DAAM2: variants seen among roughly 807,000 people sequenced by gnomAD.
DAAM2 encodes the protein dishevelled associated activator of morphogenesis 2.
DAAM2 carries 39 observed loss-of-function variants against 120.7 expected under a neutral mutation model. The observed-to-expected ratio is 0.32, with a 90% CI of 0.25 to 0.42. The LOEUF (loss-of-function observed/expected upper bound fraction) is 0.42. DAAM2 is among the 10% of genes least tolerant of loss of function. The pLI, the probability that DAAM2 is intolerant of heterozygous loss-of-function variation, is 1.00. For synonymous variants in DAAM2, 488 were observed against 524.9 expected, an observed-to-expected ratio of 0.93 and a Z score of 0.96; for missense variants, 1,283 against 1,401.7, an observed-to-expected ratio of 0.92 and a Z score of 1.35.
intron 1 of DAAM2, among the ~76,000 whole-genome samples, chr6:39,799,466 T>G (rs28682487): frequency 0.026 from 3,993 of 152,338 alleles, 161 homozygotes; most frequent in African/African-American, 0.089. Flanking sequence ...TAGACTTTAG[T>G]GGCAGACTTA....
chr6:39,839,029 C>T (rs1386296523), intron 1 of DAAM2, among the ~76,000 whole-genome samples: 1 of 152,064 alleles, frequency 6.6e-6, no homozygotes, highest in East Asian at 1.9e-4. Context: ...AGTGGTCCCC[C>T]CTCTCTCTCC....
chr6:39,868,618 C>T lies in DAAM2; in HGVS notation c.763-205C>T, dbSNP rs1016720929. 12 of 568,170 alleles carry T rather than the reference C, an allele frequency of 2.1e-5. No homozygotes were observed. The African/African-American group carries it at 2.3e-4, about 11-fold the overall frequency. 35.2% of individuals were successfully genotyped at this position (568,170 alleles called of 1,614,324 possible). A position where few individuals can be genotyped will look rare whatever the true frequency, so the allele number is the denominator to read the frequency against. ...GCTGAGTGGAGAGGAAGTGAGGCAG[C>T]ACTGCCACTGAGGTGAGAGGCAAGG... On this transcript the variant is annotated intron_variant, in intron 6 of 24. Coordinates refer to ENST00000274867, the MANE Select transcript of DAAM2 (RefSeq NM_001201427.2).
chr6:39,873,033 T>TA (rs1764724904), intron 9 of DAAM2, among the ~76,000 whole-genome samples: 1 of 152,304 alleles, frequency 6.6e-6, no homozygotes, highest in East Asian at 1.9e-4. Context: ...AAGATGCCAA[T>TA]AGTGCTGAGA....
intron 7 of DAAM2, among the ~76,000 whole-genome samples, chr6:39,870,127 A>C (rs192303990): frequency 1.2e-4 from 19 of 152,300 alleles, no homozygotes; most frequent in Admixed American, 1.0e-3. Flanking sequence ...GTGGGGCAGG[A>C]GACCTAAAAG....
chr6:39,856,364 A>G lies in DAAM2; in HGVS notation c.62A>G (p.Asp21Gly). The G allele has an allele frequency of 6.4e-7, 1 of 1,554,068 alleles. No homozygotes were observed. Among genetic ancestry groups the G allele is most frequent in the Non-Finnish European group, 8.7e-7 (1 of 1,149,726 alleles). Residue 21 changes from aspartate (D) to glycine (G), a missense_variant, in exon 2 of 25, where the codon GAC becomes GGC. Physicochemically the swap from Asp to Gly is moderately conservative, Grantham distance 94. Coordinates refer to ENST00000274867, the MANE Select transcript of DAAM2 (RefSeq NM_001201427.2). ...LGFLCCFGGS[D>G]IPEINLRDNH... is the part of the protein sequence containing the mutation. ...TTCCTGTGCTGCTTCGGGGGCAGTG[A>G]CATCCCCGAAATCAACCTCCGGGAC...
intron 1 of DAAM2, among the ~76,000 whole-genome samples, chr6:39,826,226 T>C (rs1227723301): frequency 2.6e-5 from 4 of 152,138 alleles, no homozygotes; most frequent in Non-Finnish European, 5.9e-5. Context: ...TCCTGGTCTC[T>C]GGTATAACTA....
chr6:39,891,290 C>G, intron 17 of DAAM2, 51 bp from the exon 18 acceptor site: 1 of 1,409,580 alleles, frequency 7.1e-7, no homozygotes, highest in Non-Finnish European at 9.9e-7. Flanking sequence ...CCCTGTACCC[C>G]ATGTCTGCTG....
At chr6:39,851,816 C>G (rs1355729427) in intron 1 of DAAM2, among the ~76,000 whole-genome samples, 1 of 152,130 alleles carries the variant, frequency 6.6e-6, no homozygotes, top group African/African-American at 2.4e-5. Context: ...TTAGTCAAAC[C>G]CTGCCATTGC....
At position 39,896,824 on chromosome 6, in the gene DAAM2, C is replaced by T; in HGVS notation, c.2354C>T (p.Ala785Val). ...CCTCCTCTCCCAGCCATCCTGTTGG[C>T]CTCCCGGGAGCTGGTCCGCAGCAAG... The part of the protein sequence containing the change: ...AKPKVEAILL[A>V]SRELVRSKRL... The change falls in exon 20 of 25, where the codon GCC (alanine) becomes GTC (valine). Residue 785 changes from alanine to valine, a missense_variant. Physicochemically the swap from Ala to Val is moderately conservative, Grantham distance 64 (BLOSUM62 0). This residue lies in a region of DAAM2 where 748 missense variants were observed against 768.6 expected (regional missense o/e 0.97). Transcript: ENST00000274867. The T allele has an allele frequency of 1.3e-6, 2 of 1,595,974 alleles. No individual in the cohort carries two copies. Among genetic ancestry groups the T allele is most frequent in the African/African-American group, 1.3e-5 (1 of 74,548 alleles).
chr6:39,812,673 G>A lies in DAAM2; in HGVS notation c.-57+20208G>A, dbSNP rs144621038. 1.9e-4 allele frequency among the ~76,000 whole-genome samples: 16 copies of A among 86,276 alleles called. No homozygotes were observed. In the East Asian group the frequency reaches 2.9e-3, roughly 16 times the overall value. 56.6% of individuals were successfully genotyped at this position (86,276 alleles called of 152,430 possible). ...GGAGTCAGCAGGTAGCTTTTGGAGT[G>A]CCTGTAACTCAAACAATTTAATCTG... On this transcript the variant is annotated intron_variant, in intron 1 of 24. Coordinates refer to ENST00000274867, the MANE Select transcript of DAAM2 (RefSeq NM_001201427.2).
At chr6:39,817,502 A>G (rs1216081125) in intron 1 of DAAM2, among the ~76,000 whole-genome samples, 1 of 152,136 alleles carries the variant, frequency 6.6e-6, no homozygotes, top group African/African-American at 2.4e-5. Context: ...GCTGTTCTAA[A>G]GGAAAAGGGA....
chr6:39,893,890 A>C (rs1765903843), intron 19 of DAAM2, among the ~76,000 whole-genome samples: 1 of 152,210 alleles, frequency 6.6e-6, no homozygotes, highest in South Asian at 2.1e-4. Flanking sequence ...TATCCCAGCT[A>C]GGTGTGATGA....
chr6:39,856,073 A>T, intron 1 of DAAM2, 174 bp from the exon 2 acceptor site: 1 of 808,690 alleles, frequency 1.2e-6, no homozygotes, highest in Non-Finnish European at 1.4e-6. Context: ...GAAGAGCTGG[A>T]GGGAACAGAG....
At chr6:39,796,531 C>A (rs150921274) in intron 1 of DAAM2, among the ~76,000 whole-genome samples, 4 of 149,934 alleles carry the variant, frequency 2.7e-5, no homozygotes, top group East Asian at 3.9e-4. Context: ...GTTCTTGGAA[C>A]CTGTGCAGCG....
intron 1 of DAAM2, among the ~76,000 whole-genome samples, chr6:39,849,381 A>G (rs1044872817): frequency 6.6e-6 from 1 of 152,234 alleles, no homozygotes; most frequent in African/African-American, 2.4e-5. Flanking sequence ...TACCGTCAAC[A>G]TTCAGGTATC....
Position 39,879,219 on chromosome 6 carries a change from C to T in DAAM2, c.1587C>T (p.Leu529=). 1.3e-6 allele frequency: 2 copies of T among 1,550,270 alleles called. No homozygotes were observed. The highest frequency in any genetic ancestry group is 1.7e-6 in the Non-Finnish European group (2 of 1,146,224). Residue 529 remains leucine, a synonymous_variant, in exon 14 of 25, where the codon CTC becomes CTT. Transcript: ENST00000274867. ...CCCCACCACCCCCTGGGGGCCCACT[C>T]ACCTTGTCTTCCTCAATGACAACCA... ...VSSPPPPGGP[L]TLSSSMTTND...
At position 39,873,231 on chromosome 6, in the gene DAAM2, C is replaced by T. The variant is rs1297561587; in HGVS notation, c.1045-7C>T. The T allele has an allele frequency of 6.3e-7, 1 of 1,595,962 alleles. No individual in the cohort carries two copies. The highest frequency in any genetic ancestry group is 2.2e-5 in the East Asian group (1 of 44,606). ...CCCACTGATCACTGTGCCCTCTTCT[C>T]TCCCAGGTCCACATCGACACCAAGA... is the stretch of plus-strand genomic sequence containing the variant. On this transcript the variant is annotated splice_polypyrimidine_tract_variant and splice_region_variant and intron_variant, in intron 9 of 24. Coordinates refer to ENST00000274867, the MANE Select transcript of DAAM2 (RefSeq NM_001201427.2).
chr6:39,888,482 C>T, intron 16 of DAAM2, 197 bp from the exon 17 acceptor site: 1 of 468,148 alleles, frequency 2.1e-6, no homozygotes. Flanking sequence ...TCTATTTTGA[C>T]ACTAAAATGC....
intron 1 of DAAM2, among the ~76,000 whole-genome samples, chr6:39,853,385 A>G (rs542012923): frequency 1.3e-5 from 2 of 152,284 alleles, no homozygotes; most frequent in East Asian, 3.9e-4. Context: ...AAAGACACAT[A>G]TGCAGCAGCC....
Sources: allele counts gnomAD v4.1 joint callset (sites outside exome capture counted in the v4.1 genomes callset), GRCh38; gene constraint gnomAD v4.1.1; regional missense constraint gnomAD v4.1.1; transcripts MANE v1.5; gene names NCBI Gene and HGNC (gene_info 2026-07-23, HGNC 2026-07-21).